HSDL1: variants seen among roughly 807,000 people sequenced by gnomAD.
The protein encoded by HSDL1 is hydroxysteroid dehydrogenase like 1, also known as inactive hydroxysteroid dehydrogenase-like protein 1.
Under a neutral mutation model 31.5 loss-of-function variants are expected in HSDL1, and 29 were observed. The observed-to-expected ratio is 0.92, with a 90% CI of 0.69 to 1.26. The LOEUF (loss-of-function observed/expected upper bound fraction) is 1.26, where lower values mean the gene tolerates loss of function less well. Among genes scored for constraint, HSDL1 ranks in the 50% most tolerant of loss-of-function variants. HSDL1 has a pLI of 0.00. For missense variants in HSDL1, 503 were observed against 416.6 expected (o/e 1.21, Z -1.81); for synonymous variants, 222 against 155.2 (o/e 1.43, Z -3.20).
At position 84,131,111 on chromosome 16, in the gene HSDL1, C is replaced by G. The variant is rs761015807; in HGVS notation, c.211G>C (p.Val71Leu). 2 of 1,606,826 alleles carry G rather than the reference C, an allele frequency of 1.2e-6. No individual in the cohort carries two copies. The highest frequency in any genetic ancestry group is 1.7e-6 in the Non-Finnish European group (2 of 1,174,024). The change falls in exon 3 of 6, where the codon GTT becomes CTT. Residue 71 changes from valine (V) to leucine (L), a missense_variant. Transcript: ENST00000219439. Reference protein sequence around the residue: ...DLIKQYGRWAVVSGATDGIGK... With the variant: ...DLIKQYGRWALVSGATDGIGK... ...TTATAAAGTAGGTTACCGCTGACAA[C>G]GGCCCATCTTCCATACTGCTTGATC...
At position 84,124,424 on chromosome 16, in the gene HSDL1, G is replaced by A. The variant is rs375702439; in HGVS notation, c.*206C>T. On this transcript the variant is annotated 3_prime_UTR_variant, in exon 6 of 6. Transcript: ENST00000219439. Reference sequence around the variant, plus strand: ...ATGTAGATGTCGTCAATCAGCCTCAGGCATTATTGATCCTGTGCCATCCAC... The same window carrying A: ...ATGTAGATGTCGTCAATCAGCCTCAAGCATTATTGATCCTGTGCCATCCAC... 5 of 472,340 alleles carry A rather than the reference G, an allele frequency of 1.1e-5. No individual in the cohort carries two copies. In the South Asian group the frequency reaches 1.3e-4, roughly 12 times the overall value. The allele number at this position is 472,340 out of a possible 1,614,324, so 29.3% of individuals were successfully genotyped here. A position where few individuals can be genotyped will look rare whatever the true frequency, so the allele number is the denominator to read the frequency against.
At chr16:84,143,779 T>A (rs2151194160) in intron 1 of HSDL1, among the ~76,000 whole-genome samples, 1 of 151,304 alleles carries the variant, frequency 6.6e-6, no homozygotes, top group African/African-American at 2.4e-5. Context: ...GGCAGATCAC[T>A]TGAGGCCAGG....
At chr16:84,134,549 T>C (rs2086695999) in intron 2 of HSDL1, among the ~76,000 whole-genome samples, 1 of 151,878 alleles carries the variant, frequency 6.6e-6, no homozygotes, top group Admixed American at 6.6e-5. Flanking sequence ...CAGGCGGAAG[T>C]AACAGTGAGC....
At chr16:84,137,897 T>A (rs1468587296) in intron 1 of HSDL1, among the ~76,000 whole-genome samples, 5 of 152,256 alleles carry the variant, frequency 3.3e-5, no homozygotes, top group Non-Finnish European at 7.3e-5. Flanking sequence ...ACTTTAGGTA[T>A]CTGACTAGTT....
intron 1 of HSDL1, among the ~76,000 whole-genome samples, chr16:84,137,552 A>G (rs977822596): frequency 1.3e-5 from 2 of 152,108 alleles, no homozygotes; most frequent in African/African-American, 4.8e-5. Flanking sequence ...TCAGCTGGGG[A>G]TGAAGGAGGG....
At chr16:84,135,318 G>C (rs1023315312) in intron 2 of HSDL1, among the ~76,000 whole-genome samples, 2 of 152,160 alleles carry the variant, frequency 1.3e-5, no homozygotes, top group Non-Finnish European at 2.9e-5. Context: ...AGCAGTATTT[G>C]TGGGGAAATG....
intron 1 of HSDL1, among the ~76,000 whole-genome samples, chr16:84,141,633 G>A (rs1264921146): frequency 3.9e-5 from 6 of 152,194 alleles, no homozygotes; most frequent in Admixed American, 6.5e-5. Flanking sequence ...CAGCAGGTTC[G>A]TGCCACTCCT....
chr16:84,133,277 A>G (rs1420611627), intron 2 of HSDL1, among the ~76,000 whole-genome samples: 2 of 152,248 alleles, frequency 1.3e-5, no homozygotes, highest in African/African-American at 4.8e-5. Context: ...AACGTACACA[A>G]GAAATATGAC....
chr16:84,132,185 GCTT>G (rs1212340510), intron 2 of HSDL1, among the ~76,000 whole-genome samples: 4 of 152,150 alleles, frequency 2.6e-5, no homozygotes, highest in African/African-American at 9.7e-5. Context: ...CAAACACAAA[GCTT>G]CTAATTCATA....
intron 1 of HSDL1, among the ~76,000 whole-genome samples, chr16:84,142,649 T>G (rs2086779496): frequency 6.6e-6 from 1 of 152,044 alleles, no homozygotes; most frequent in African/African-American, 2.4e-5. Context: ...TTTCACCATA[T>G]TGGCCAGGCT....
chr16:84,137,124 C>T (rs1467659299), intron 1 of HSDL1, among the ~76,000 whole-genome samples: 1 of 152,180 alleles, frequency 6.6e-6, no homozygotes, highest in African/African-American at 2.4e-5. Context: ...CCGTGCCACC[C>T]GGTATACACA....
At chr16:84,135,425 G>C (rs2086703450) in intron 2 of HSDL1, 119 bp downstream of exon 2, 1 of 152,062 alleles carries the variant, frequency 6.6e-6, no homozygotes, top group African/African-American at 2.4e-5. Context: ...TCCTCCTTAA[G>C]CCCGATTTTT....
At position 84,124,649 on chromosome 16, in the gene HSDL1, G is replaced by A. The variant is rs774082978; in HGVS notation, c.974C>T (p.Ala325Val). ...NILNRSLRKE[A>V]LSCTA ...CCAGACTCAGGCTGTGCAGGATAAG[G>A]CTTCCTTACGTAGTGAACGGTTGAG... Residue 325 changes from alanine to valine, a missense_variant, in exon 6 of 6, where the codon GCC (alanine) becomes GTC (valine). Physicochemically the swap from Ala to Val is moderately conservative, Grantham distance 64. Transcript: ENST00000219439. The A allele has an allele frequency of 1.9e-6, 3 of 1,612,890 alleles. No homozygotes were observed. In the East Asian group the frequency reaches 6.7e-5, roughly 36 times the overall value.
chr16:84,134,941 T>C (rs1348975489), intron 2 of HSDL1, among the ~76,000 whole-genome samples: 3 of 151,838 alleles, frequency 2.0e-5, no homozygotes, highest in African/African-American at 7.3e-5. Flanking sequence ...AATGAAAAAA[T>C]AGATACTACA....
intron 3 of HSDL1, among the ~76,000 whole-genome samples, 200 bp from the exon 4 acceptor site, chr16:84,130,631 T>C (rs994067798): frequency 3.3e-5 from 5 of 152,234 alleles, no homozygotes; most frequent in African/African-American, 1.2e-4. Context: ...CCAGACATCC[T>C]GACACACGGA....
intron 2 of HSDL1, among the ~76,000 whole-genome samples, chr16:84,135,128 G>A (rs1186285423): frequency 6.6e-6 from 1 of 152,056 alleles, no homozygotes; most frequent in Non-Finnish European, 1.5e-5. Context: ...AGCTACTCAG[G>A]AGGCTGAGGC....
At chr16:84,137,810 C>T (rs1014831690) in intron 1 of HSDL1, among the ~76,000 whole-genome samples, 3 of 152,248 alleles carry the variant, frequency 2.0e-5, no homozygotes, top group African/African-American at 7.2e-5. Flanking sequence ...CTCACTGAAA[C>T]TTTCAAAGGA....
intron 4 of HSDL1, 94 bp downstream of exon 4, chr16:84,129,892 G>T: frequency 7.0e-7 from 1 of 1,422,926 alleles, no homozygotes; most frequent in Non-Finnish European, 9.7e-7. Context: ...GCATATGTGA[G>T]TTGCTGACAA....
chr16:84,141,967 G>T (rs1427320680), intron 1 of HSDL1, among the ~76,000 whole-genome samples: 4 of 152,084 alleles, frequency 2.6e-5, no homozygotes, highest in Admixed American at 6.5e-5. Context: ...TGGCTCTATT[G>T]CCCAGCCTGA....
Sources: gnomAD v4.1 joint callset for allele counts (sites outside exome capture counted in the v4.1 genomes callset) on GRCh38, gnomAD v4.1.1 for gene constraint, MANE v1.5 for transcripts, NCBI Gene and HGNC (gene_info 2026-07-23, HGNC 2026-07-21) for gene names.